Variants in NME9 observed in about 807,000 individuals in gnomAD.
NME9 encodes thioredoxin domain-containing protein 6.
In NME9, 48 loss-of-function variants were observed where a neutral mutation model predicts 44.4. That is an observed-to-expected ratio of 1.08 (90% CI 0.86 to 1.37). The LOEUF (loss-of-function observed/expected upper bound fraction) is 1.37. NME9 is among the 40% of genes most tolerant of loss of function. NME9 has a pLI of 0.00. For synonymous variants in NME9, 139 were observed against 147.1 expected, an observed-to-expected ratio of 0.94 and a Z score of 0.40; for missense variants, 325 against 405.2, an observed-to-expected ratio of 0.80 and a Z score of 1.70.
intron 6 of NME9, among the ~76,000 whole-genome samples, chr3:138,309,736 G>GA (rs113533378): frequency 0.053 from 7,771 of 145,710 alleles, 673 homozygotes; most frequent in African/African-American, 0.18. Flanking sequence ...TGTCTCAAAA[G>GA]AAAAAAAAAA....
intron 8 of NME9, among the ~76,000 whole-genome samples, chr3:138,280,546 T>C (rs1462491634): frequency 6.6e-6 from 1 of 150,620 alleles, no homozygotes; most frequent in African/African-American, 2.4e-5. Context: ...CAGGCTGGAG[T>C]GCAGTGGTGT....
At chr3:138,303,911 AC>A (rs1049425401) in intron 9 of NME9, among the ~76,000 whole-genome samples, 29 of 152,132 alleles carry the variant, frequency 1.9e-4, no homozygotes, top group Non-Finnish European at 3.5e-4. Flanking sequence ...GTCTACTGTT[AC>A]CCCCATTTTA....
At chr3:138,281,566 C>T (rs560424028) in intron 8 of NME9, among the ~76,000 whole-genome samples, 6 of 152,170 alleles carry the variant, frequency 3.9e-5, no homozygotes, top group Non-Finnish European at 8.8e-5. Context: ...GCTGGGGTTA[C>T]AGGTGTGAGC....
At chr3:138,306,240 C>A in intron 7 of NME9, 144 bp from the exon 8 acceptor site, 1 of 830,800 alleles carries the variant, frequency 1.2e-6, no homozygotes. Context: ...CTGTCCCAAT[C>A]AGATTTAACA....
At chr3:138,288,798 C>T (rs530940847) in intron 8 of NME9, among the ~76,000 whole-genome samples, 5 of 152,128 alleles carry the variant, frequency 3.3e-5, no homozygotes, top group South Asian at 4.2e-4. Context: ...CCACTACACC[C>T]GGCAAATTTT....
intron 8 of NME9, among the ~76,000 whole-genome samples, chr3:138,265,155 A>T (rs1008769560): frequency 6.6e-6 from 1 of 151,910 alleles, no homozygotes; most frequent in Non-Finnish European, 1.5e-5. Flanking sequence ...TGGCCTCCCA[A>T]AGTGTTGGCT....
chr3:138,312,106 T>C (rs1349049985), intron 6 of NME9, among the ~76,000 whole-genome samples: 1 of 151,956 alleles, frequency 6.6e-6, no homozygotes, highest in Non-Finnish European at 1.5e-5. Flanking sequence ...ATGAAAGAAA[T>C]TGAAGAGGAC....
At chr3:138,263,689 G>A (rs1304060165) in intron 8 of NME9, 2 of 1,472,576 alleles carry the variant, frequency 1.4e-6, no homozygotes, top group Non-Finnish European at 1.9e-6. Flanking sequence ...AAGCAGTGAA[G>A]TTTGTCACCT....
At chr3:138,295,734 C>T (rs1029712154) in intron 8 of NME9, 22 of 1,022,624 alleles carry the variant, frequency 2.2e-5, no homozygotes, top group Non-Finnish European at 3.0e-5. Flanking sequence ...CCCACCTGGG[C>T]TCACCCCAAT....
intron 8 of NME9, among the ~76,000 whole-genome samples, chr3:138,281,279 C>G (rs936117208): frequency 2.6e-5 from 4 of 150,950 alleles, no homozygotes; most frequent in African/African-American, 7.3e-5. Context: ...TGAGTTGGCC[C>G]AATAATTGAT....
intron 4 of NME9, among the ~76,000 whole-genome samples, chr3:138,316,806 C>T (rs533872818): frequency 2.8e-4 from 42 of 152,080 alleles, no homozygotes; most frequent in Middle Eastern, 3.4e-3. Flanking sequence ...GCAGAGACGG[C>T]GTTTCACCAT....
chr3:138,262,484 T>C, exon 9 of NME9: 1 of 1,577,688 alleles, frequency 6.3e-7, no homozygotes, highest in Non-Finnish European at 8.6e-7. Flanking sequence ...GGCTGAAACA[T>C]CCTGAGGTTT....
intron 8 of NME9, among the ~76,000 whole-genome samples, chr3:138,273,682 A>C (rs2048991640): frequency 6.6e-6 from 1 of 152,176 alleles, no homozygotes; most frequent in African/African-American, 2.4e-5. Context: ...TAGATGAGGA[A>C]ATATGAGTGG....
chr3:138,298,336 T>C (rs376387269), downstream of NME9: 18 of 152,382 alleles, frequency 1.2e-4, no homozygotes, highest in South Asian at 2.1e-3. Flanking sequence ...TTGGATAATA[T>C]GATTTTAACA....
At chr3:138,310,379 C>A (rs2052610364) in intron 6 of NME9, among the ~76,000 whole-genome samples, 1 of 151,062 alleles carries the variant, frequency 6.6e-6, no homozygotes, top group South Asian at 2.1e-4. Flanking sequence ...AGGCAGAAGA[C>A]AAACGTCATA....
chr3:138,317,125 C>T (rs536898725), intron 4 of NME9, among the ~76,000 whole-genome samples: 1 of 152,324 alleles, frequency 6.6e-6, no homozygotes, highest in East Asian at 1.9e-4. Context: ...GATCCCATTT[C>T]TGCAACTGAG....
intron 8 of NME9, among the ~76,000 whole-genome samples, chr3:138,265,550 G>A (rs904485707): frequency 3.9e-5 from 6 of 152,142 alleles, no homozygotes; most frequent in Non-Finnish European, 4.4e-5. Flanking sequence ...TTTAGGAGGC[G>A]GGGGCATCAA....
Position 138,319,567 on chromosome 3 carries a change from G to A in NME9, c.106C>T (p.Gln36Ter). ...SKGLTVVDVY[Q>*]GWCGPCKPVV... Reference sequence around the variant, plus strand: ...GGTTTGCAGGGGCCACACCAGCCTTGATAGACATCAACAACTGTGTGGAAC... The same window carrying A: ...GGTTTGCAGGGGCCACACCAGCCTTAATAGACATCAACAACTGTGTGGAAC... The change falls in exon 3 of 11, where the codon CAA (glutamine) becomes TAA (stop). Residue 36 changes from glutamine to a stop codon, truncating the protein, a stop_gained. Coordinates refer to ENST00000333911, the MANE Select transcript of NME9 (RefSeq NM_001349018.2). LOFTEE classifies it high-confidence loss of function. 1 of 1,607,736 alleles carries A rather than the reference G, an allele frequency of 6.2e-7. No individual in the cohort carries two copies. Among genetic ancestry groups the A allele is most frequent in the Non-Finnish European group, 8.5e-7 (1 of 1,174,230 alleles).
chr3:138,314,331 C>G lies in NME9; in HGVS notation c.460+1G>C. 6.3e-7 allele frequency: 1 copy of G among 1,588,140 alleles called. No individual in the cohort carries two copies. Among genetic ancestry groups the G allele is most frequent in the Non-Finnish European group, 8.6e-7 (1 of 1,158,476 alleles). On this transcript the variant is annotated splice_donor_variant, in intron 6 of 10. Coordinates refer to ENST00000333911, the MANE Select transcript of NME9 (RefSeq NM_001349018.2). LOFTEE classifies it high-confidence loss of function. ...CCCTTGCTCATTGGTTCTGCACTCA[C>G]CCATGTCCTCATCTTCACCATTATT...
Sources: gnomAD v4.1 joint callset for allele counts (sites outside exome capture counted in the v4.1 genomes callset) on GRCh38, gnomAD v4.1.1 for gene constraint, MANE v1.5 for transcripts, NCBI Gene and HGNC (gene_info 2026-07-23, HGNC 2026-07-21) for gene names.